PTPRN2: variants seen among roughly 807,000 people sequenced by gnomAD.
The protein encoded by PTPRN2 is receptor-type tyrosine-protein phosphatase N2.
PTPRN2 carries 74 observed loss-of-function variants against 118.8 expected under a neutral mutation model. The observed-to-expected ratio is 0.62, with a 90% CI of 0.52 to 0.76. The LOEUF is 0.76. Ranked by LOEUF, PTPRN2 falls within the 30% of genes least tolerant of loss-of-function variation. The pLI, the probability that PTPRN2 is intolerant of heterozygous loss-of-function variation, is 0.00. For synonymous variants in PTPRN2, 641 were observed against 608.0 expected (o/e 1.05, Z -0.80); for missense variants, 1,481 against 1,394.4 (o/e 1.06, Z -0.99).
intron 1 of PTPRN2, among the ~76,000 whole-genome samples, chr7:158,524,831 G>A (rs971768759): frequency 6.6e-6 from 1 of 152,146 alleles, no homozygotes; most frequent in Non-Finnish European, 1.5e-5. Flanking sequence ...CTGTACACTT[G>A]GCTTTCACAG....
At chr7:157,733,842 T>C (rs1185294984) in intron 12 of PTPRN2, among the ~76,000 whole-genome samples, 1 of 38,922 alleles carries the variant, frequency 2.6e-5, no homozygotes, top group African/African-American at 1.3e-4. Flanking sequence ...GCACAGTTAC[T>C]CTTCCGTCCC....
chr7:157,873,526 CTGT>C lies in PTPRN2; in HGVS notation c.1788+25144_1788+25146del, dbSNP rs1563195118. On this transcript the variant is annotated intron_variant, in intron 12 of 22. Transcript: ENST00000389418. ...CCGTGGGGGCCGGGAGGAGAACGTACTGTCCTCAAGGTCTGTCTCGTCGTGGGG... is the reference window on the plus strand; with the variant it reads ...CCGTGGGGGCCGGGAGGAGAACGTACCCTCAAGGTCTGTCTCGTCGTGGGG... Among the ~76,000 whole-genome samples the C allele has an allele frequency of 5.7e-3, 864 of 150,294 alleles. 71 individuals are homozygous for C. In the East Asian group the frequency reaches 0.097, roughly 17 times the overall value.
At chr7:158,068,651 C>T (rs1465794551) in intron 11 of PTPRN2, among the ~76,000 whole-genome samples, 4 of 152,202 alleles carry the variant, frequency 2.6e-5, no homozygotes, top group Non-Finnish European at 4.4e-5. Flanking sequence ...TCATTCTAAA[C>T]AGAAATGCAG....
chr7:157,579,472 A>C (rs1800231298), intron 17 of PTPRN2, among the ~76,000 whole-genome samples: 1 of 152,220 alleles, frequency 6.6e-6, no homozygotes, highest in South Asian at 2.1e-4. Flanking sequence ...GAAGGTGGAG[A>C]AGCTCATGGA....
intron 11 of PTPRN2, among the ~76,000 whole-genome samples, chr7:158,045,371 C>T (rs1430186181): frequency 6.6e-6 from 1 of 152,194 alleles, no homozygotes; most frequent in African/African-American, 2.4e-5. Context: ...TAATTTTTCA[C>T]TTCTCCATGG....
intron 3 of PTPRN2, among the ~76,000 whole-genome samples, chr7:158,263,779 C>G (rs1797695375): frequency 6.6e-6 from 1 of 152,212 alleles, no homozygotes; most frequent in African/African-American, 2.4e-5. Context: ...GGAGAACCTC[C>G]TGCCAGTTGT....
In PTPRN2 at chr7:158,161,987, T is replaced by C. The variant is rs1822405384; in HGVS notation, c.910+4944A>G. Among the ~76,000 whole-genome samples, 3 of 151,998 alleles carry C rather than the reference T, an allele frequency of 2.0e-5. 1 individual carries two copies. The South Asian group carries it at 6.2e-4, about 32-fold the overall frequency. On this transcript the variant is annotated intron_variant, in intron 6 of 22. Transcript: ENST00000389418. ...GATGAAAACAAGCATGTGAAGATGCTCTGCTTCCTCCATCATCAGGGAAAT... is the reference window on the plus strand; with the variant it reads ...GATGAAAACAAGCATGTGAAGATGCCCTGCTTCCTCCATCATCAGGGAAAT...
At chr7:158,374,181 T>C (rs1214738635) in intron 2 of PTPRN2, among the ~76,000 whole-genome samples, 1 of 152,150 alleles carries the variant, frequency 6.6e-6, no homozygotes, top group African/African-American at 2.4e-5. Flanking sequence ...GCTGAGGGGT[T>C]TGCTCTGGGT....
In PTPRN2 at chr7:157,832,847, C is replaced by G. The variant is rs777148858; in HGVS notation, c.1788+65826G>C. On this transcript the variant is annotated intron_variant, in intron 12 of 22. Transcript: ENST00000389418. ...AGCAGAGAGTGACTGGATTTGTGAT[C>G]AGAATGGGGACAGTGGGAAAAGTTA... is the stretch of plus-strand genomic sequence containing the variant. Among the ~76,000 whole-genome samples the G allele has an allele frequency of 5.9e-5, 9 of 152,240 alleles. No individual in the cohort carries two copies. In the South Asian group the frequency reaches 1.7e-3, roughly 28 times the overall value.
intron 2 of PTPRN2, among the ~76,000 whole-genome samples, chr7:158,327,016 C>G (rs1191537849): frequency 6.6e-6 from 1 of 151,964 alleles, no homozygotes; most frequent in Non-Finnish European, 1.5e-5. Flanking sequence ...TGCATTCTCA[C>G]ATATATACAC....
chr7:158,154,119 T>A (rs1821475329), intron 6 of PTPRN2, among the ~76,000 whole-genome samples: 1 of 152,006 alleles, frequency 6.6e-6, no homozygotes, highest in Non-Finnish European at 1.5e-5. Flanking sequence ...GGGATGAGAG[T>A]CCTGCTGGTC....
rs1376234379 is a variant in PTPRN2 at position 157,632,610 on chromosome 7, CAG to C, written c.2197-11103_2197-11102del. On this transcript the variant is annotated intron_variant, in intron 14 of 22. Transcript: ENST00000389418. This position sits in a 1 kb window ranked among gnomAD's most constrained non-coding sequence, Gnocchi z 4.3. Reference sequence around the variant, plus strand: ...AGGGAGTGTGCGTAGGAGGGGGTGACAGGGGTCACCTGCAGAAAGACTAAGAA... The same window carrying C: ...AGGGAGTGTGCGTAGGAGGGGGTGACGGGTCACCTGCAGAAAGACTAAGAA... Among the ~76,000 whole-genome samples, 3 of 152,056 alleles carry C rather than the reference CAG, an allele frequency of 2.0e-5. No individual in the cohort carries two copies. Among genetic ancestry groups the C allele is most frequent in the South Asian group, 2.1e-4 (1 of 4,814 alleles).
intron 2 of PTPRN2, among the ~76,000 whole-genome samples, chr7:158,368,702 C>G (rs1203263183): frequency 1.3e-5 from 2 of 152,214 alleles, no homozygotes; most frequent in African/African-American, 4.8e-5. Context: ...ACTCAGCCCC[C>G]TCCCCTGCAG....
At chr7:158,019,999 G>A (rs1254388470) in intron 11 of PTPRN2, among the ~76,000 whole-genome samples, 10 of 152,240 alleles carry the variant, frequency 6.6e-5, no homozygotes, top group Non-Finnish European at 1.3e-4. Flanking sequence ...AAACCACACC[G>A]GCCATCCAGG....
At chr7:157,718,715 G>A (rs915922024) in intron 12 of PTPRN2, among the ~76,000 whole-genome samples, 10 of 151,430 alleles carry the variant, frequency 6.6e-5, no homozygotes, top group African/African-American at 9.7e-5. Context: ...GTCTCAGCAC[G>A]TCCAGGCGTC....
intron 2 of PTPRN2, among the ~76,000 whole-genome samples, chr7:158,340,448 ACC>A (rs1318885814): frequency 2.0e-5 from 1 of 49,782 alleles, no homozygotes; most frequent in Non-Finnish European, 4.4e-5. Context: ...AAGAGCTGAC[ACC>A]CGCAGACGTC....
intron 12 of PTPRN2, among the ~76,000 whole-genome samples, chr7:157,810,012 G>T (rs898148936): frequency 6.6e-6 from 1 of 152,206 alleles, no homozygotes; most frequent in African/African-American, 2.4e-5. Flanking sequence ...CCGCCAGGCC[G>T]GAGCTGGAAG....
chr7:157,575,735 T>G (rs1262433753), intron 19 of PTPRN2, among the ~76,000 whole-genome samples: 1 of 152,238 alleles, frequency 6.6e-6, no homozygotes, highest in Non-Finnish European at 1.5e-5. Flanking sequence ...TCAAGTCACT[T>G]TATGATAGTG....
At chr7:157,949,684 A>G (rs1296347310) in intron 11 of PTPRN2, among the ~76,000 whole-genome samples, 1 of 152,246 alleles carries the variant, frequency 6.6e-6, no homozygotes, top group East Asian at 1.9e-4. Context: ...CTTAGGAACA[A>G]GTGGTAATTG....
Sources: gnomAD v4.1 joint callset for allele counts (sites outside exome capture counted in the v4.1 genomes callset) on GRCh38, gnomAD v4.1.1 for gene constraint, Gnocchi (gnomAD v3.1) non-coding constraint, MANE v1.5 for transcripts, NCBI Gene and HGNC (gene_info 2026-07-23, HGNC 2026-07-21) for gene names.